Variants in MLIP observed in about 807,000 individuals in gnomAD.
MLIP encodes the protein muscular LMNA interacting protein, also known as muscular LMNA-interacting protein.
Under a neutral mutation model 84.8 loss-of-function variants are expected in MLIP, and 79 were observed. That is an observed-to-expected ratio of 0.93 (90% CI 0.78 to 1.12). MLIP has a LOEUF of 1.12. Among genes scored for constraint, MLIP ranks in the 50% most tolerant of loss-of-function variants. The pLI is 0.00. For synonymous variants in MLIP, 504 were observed against 463.0 expected, an observed-to-expected ratio of 1.09 and a Z score of -1.14; for missense variants, 1,257 against 1,160.6, an observed-to-expected ratio of 1.08 and a Z score of -1.21.
At chr6:54,088,761 T>C (rs1384012204) in intron 1 of MLIP, among the ~76,000 whole-genome samples, 1 of 152,220 alleles carries the variant, frequency 6.6e-6, no homozygotes, top group Non-Finnish European at 1.5e-5. Flanking sequence ...TAATCTGTGT[T>C]TTTATTTTCA....
rs1047843273 is a variant in MLIP, at chr6:54,216,884, C to CTGTA, written c.2719-13829_2719-13826dup. On this transcript the variant is annotated intron_variant, in intron 11 of 13. Transcript: ENST00000502396. Reference sequence around the variant, plus strand: ...TAACATGAGGTTTTTGTGATGCTGTCTGTAAAGTGTTGGTGTCTTTAGATA... The same window carrying CTGTA: ...TAACATGAGGTTTTTGTGATGCTGTCTGTATGTAAAGTGTTGGTGTCTTTAGATA... 6 of 985,130 alleles carry CTGTA rather than the reference C, an allele frequency of 6.1e-6. No individual in the cohort carries two copies. In the African/African-American group the frequency reaches 8.7e-5, roughly 14 times the overall value. The allele number at this position is 985,130 out of a possible 1,614,324, so 61.0% of individuals were successfully genotyped here.
intron 12 of MLIP, among the ~76,000 whole-genome samples, chr6:54,257,020 A>T (rs1399253315): frequency 6.6e-6 from 1 of 152,070 alleles, no homozygotes; most frequent in African/African-American, 2.4e-5. Flanking sequence ...CCTTCATTAC[A>T]TACATAATTA....
chr6:54,098,150 T>TTCTTTC (rs200758320), intron 1 of MLIP, among the ~76,000 whole-genome samples: 5 of 93,418 alleles, frequency 5.4e-5, no homozygotes, highest in South Asian at 6.5e-4. Context: ...TTTTCTTTCT[T>TTCTTTC]TTTTTTTTTT....
chr6:54,026,698 A>G (rs1763821845), intron 1 of MLIP, among the ~76,000 whole-genome samples: 1 of 135,998 alleles, frequency 7.4e-6, no homozygotes, highest in South Asian at 2.8e-4. Context: ...AATCTAAATG[A>G]AGAACCTGTG....
chr6:54,178,348 C>T (rs1776512449), intron 9 of MLIP, among the ~76,000 whole-genome samples: 1 of 151,352 alleles, frequency 6.6e-6, no homozygotes, highest in African/African-American at 2.4e-5. Flanking sequence ...AATTTTCTTT[C>T]TTTTCAAAAA....
intron 9 of MLIP, among the ~76,000 whole-genome samples, chr6:54,187,348 A>G (rs1777495085): frequency 6.6e-6 from 1 of 152,222 alleles, no homozygotes; most frequent in Non-Finnish European, 1.5e-5. Flanking sequence ...AAAGAACATC[A>G]TGAGGGAGGG....
At chr6:54,117,536 C>T (rs1056997278) in intron 1 of MLIP, among the ~76,000 whole-genome samples, 2 of 151,776 alleles carry the variant, frequency 1.3e-5, no homozygotes, top group South Asian at 2.1e-4. Flanking sequence ...TTCTATTCCT[C>T]ACAGGACTGG....
chr6:54,024,384 TAAAC>T (rs897754304), intron 1 of MLIP, among the ~76,000 whole-genome samples: 8 of 152,228 alleles, frequency 5.3e-5, no homozygotes, highest in East Asian at 1.9e-4. Flanking sequence ...AATCTGTTAA[TAAAC>T]AAAAAACATG....
intron 12 of MLIP, among the ~76,000 whole-genome samples, chr6:54,245,025 AT>A (rs1359750168): frequency 6.6e-6 from 1 of 152,216 alleles, no homozygotes; most frequent in Non-Finnish European, 1.5e-5. Context: ...GGCCTTTGGA[AT>A]TTACTGACTA....
intron 12 of MLIP, among the ~76,000 whole-genome samples, chr6:54,237,864 A>G (rs1174905859): frequency 1.3e-5 from 2 of 152,264 alleles, no homozygotes; most frequent in Non-Finnish European, 2.9e-5. Context: ...GCAAACAAAA[A>G]CAAAATAAAA....
At chr6:54,180,845 C>G (rs1776781700) in intron 9 of MLIP, among the ~76,000 whole-genome samples, 1 of 151,978 alleles carries the variant, frequency 6.6e-6, no homozygotes, top group Admixed American at 6.6e-5. Context: ...GTTTCTGGTG[C>G]CTTATTTAGT....
At chr6:54,209,547 A>T (rs1779271751) in intron 11 of MLIP, among the ~76,000 whole-genome samples, 1 of 152,186 alleles carries the variant, frequency 6.6e-6, no homozygotes, top group African/African-American at 2.4e-5. Context: ...GGAGACCTAT[A>T]CTAAGTTTGT....
intron 13 of MLIP, among the ~76,000 whole-genome samples, chr6:54,257,695 T>G (rs1163639167): frequency 6.6e-6 from 1 of 152,096 alleles, no homozygotes; most frequent in Non-Finnish European, 1.5e-5. Context: ...TCAATGGATG[T>G]CCCATAATCC....
At chr6:54,063,010 T>G (rs1766054892) in intron 1 of MLIP, among the ~76,000 whole-genome samples, 1 of 152,020 alleles carries the variant, frequency 6.6e-6, no homozygotes. Context: ...GAGACAAGCC[T>G]GATCAACATG....
Position 54,224,193 on chromosome 6 carries a change from G to A in MLIP, c.2719-6521G>A, listed in dbSNP as rs537099061. ...TATTCTTTGAAAAAAGTGCAAAATAGCAAACTGTTAGTTAAACAGATCAAT... is the reference window on the plus strand; with the variant it reads ...TATTCTTTGAAAAAAGTGCAAAATAACAAACTGTTAGTTAAACAGATCAAT... On this transcript the variant is annotated intron_variant, in intron 11 of 13. Transcript: ENST00000502396. 2.6e-5 allele frequency among the ~76,000 whole-genome samples: 4 copies of A among 151,792 alleles called. No individual in the cohort carries two copies. In the East Asian group the frequency reaches 7.7e-4, roughly 29 times the overall value.
At chr6:54,190,529 A>G (rs1777804914) in intron 10 of MLIP, among the ~76,000 whole-genome samples, 1 of 152,170 alleles carries the variant, frequency 6.6e-6, no homozygotes, top group Admixed American at 6.5e-5. Context: ...AGATATTTTT[A>G]CATTACTTTT....
chr6:54,043,732 G>C (rs1303981729), intron 1 of MLIP, among the ~76,000 whole-genome samples: 1 of 152,194 alleles, frequency 6.6e-6, no homozygotes, highest in African/African-American at 2.4e-5. Context: ...AAGAAGTTGG[G>C]AGTGACATGG....
intron 8 of MLIP, among the ~76,000 whole-genome samples, chr6:54,164,253 A>G (rs989365374): frequency 6.6e-6 from 1 of 151,892 alleles, no homozygotes; most frequent in African/African-American, 2.4e-5. Context: ...TTATTCCCAC[A>G]TGGGACTCTC....
chr6:54,166,078 T>C (rs1370798750), intron 8 of MLIP, among the ~76,000 whole-genome samples: 3 of 151,910 alleles, frequency 2.0e-5, no homozygotes, highest in Non-Finnish European at 2.9e-5. Context: ...ACCCAGTCAA[T>C]AATATTTTGT....
Sources: gnomAD v4.1 joint callset for allele counts (sites outside exome capture counted in the v4.1 genomes callset) on GRCh38, gnomAD v4.1.1 for gene constraint, MANE v1.5 for transcripts, NCBI Gene and HGNC (gene_info 2026-07-23, HGNC 2026-07-21) for gene names.